Variants in LYRM4 observed in about 807,000 individuals in gnomAD.
LYRM4 encodes LYR motif-containing protein 4.
LYRM4 carries 9 observed loss-of-function variants against 11.7 expected under a neutral mutation model. The ratio of observed to expected loss-of-function variants is 0.77; its 90% CI spans 0.46 to 1.34. The LOEUF is 1.34. Among genes scored for constraint, LYRM4 ranks in the 40% most tolerant of loss-of-function variants. The pLI is 0.00. For missense variants in LYRM4, 133 were observed against 112.5 expected (o/e 1.18, Z -0.82); for synonymous variants, 42 against 40.4 (o/e 1.04, Z -0.15).
chr6:5,184,730 C>T (rs1760279410), intron 2 of LYRM4, among the ~76,000 whole-genome samples: 1 of 152,204 alleles, frequency 6.6e-6, no homozygotes, highest in African/African-American at 2.4e-5. Context: ...CAAACTCTTG[C>T]TGAGCATCTA....
the LYRM4 span, among the ~76,000 whole-genome samples, chr6:5,057,702 G>A: frequency 8.3e-4 from 124 of 149,514 alleles, no homozygotes; most frequent in Non-Finnish European, 1.6e-3. Flanking sequence ...GCGACAGAGC[G>A]AGACTCCATC....
the LYRM4 span, chr6:5,084,530 T>TCCCG: frequency 6.6e-6 from 1 of 151,674 alleles, no homozygotes; most frequent in South Asian, 2.1e-4. Flanking sequence ...CGCGGGCGCG[T>TCCCG]CGGGCGGGAC....
chr6:5,193,291 T>TA lies in LYRM4; in HGVS notation c.207+23326dup, dbSNP rs1461341485. Among the ~76,000 whole-genome samples the TA allele has an allele frequency of 5.3e-5, 8 of 150,016 alleles. No individual in the cohort carries two copies. The South Asian group carries it at 6.3e-4, about 12-fold the overall frequency. ...GCACCTCTATGTACTATATGTGATTTAAAAAAAAACCAGAAAACAAAAAAA... is the reference window on the plus strand; with the variant it reads ...GCACCTCTATGTACTATATGTGATTTAAAAAAAAAACCAGAAAACAAAAAAA... On this transcript the variant is annotated intron_variant, in intron 2 of 2. Transcript: ENST00000330636.
intron 2 of LYRM4, chr6:5,136,747 G>A: frequency 1.0e-6 from 1 of 985,436 alleles, no homozygotes; most frequent in Non-Finnish European, 1.2e-6. Context: ...AGCGCCTGTA[G>A]GAAGACTGGG....
the LYRM4 span, among the ~76,000 whole-genome samples, chr6:5,064,947 G>A: frequency 4.0e-5 from 6 of 151,724 alleles, no homozygotes; most frequent in African/African-American, 1.5e-4. Context: ...CATCCTACGG[G>A]TTTTAATAAT....
chr6:5,161,193 G>A (rs1252964732), intron 2 of LYRM4, among the ~76,000 whole-genome samples: 1 of 152,094 alleles, frequency 6.6e-6, no homozygotes, highest in Non-Finnish European at 1.5e-5. Flanking sequence ...ACAATATTCT[G>A]AACTAGTGAA....
At chr6:5,141,334 G>A (rs914641741) in intron 2 of LYRM4, among the ~76,000 whole-genome samples, 1 of 152,136 alleles carries the variant, frequency 6.6e-6, no homozygotes, top group African/African-American at 2.4e-5. Flanking sequence ...GCAATCACTC[G>A]GCTTCTCTGC....
At chr6:5,171,632 T>C (rs1224319576) in intron 2 of LYRM4, among the ~76,000 whole-genome samples, 2 of 152,224 alleles carry the variant, frequency 1.3e-5, no homozygotes, top group Non-Finnish European at 2.9e-5. Context: ...GATAAGCAGT[T>C]GTTACCATTT....
At chr6:5,059,310 C>T in the LYRM4 span, among the ~76,000 whole-genome samples, 1 of 147,086 alleles carries the variant, frequency 6.8e-6, no homozygotes, top group African/African-American at 2.5e-5. Context: ...CACAGCATTC[C>T]GGCCCGTGCA....
At chr6:5,085,377 G>C in the LYRM4 span, 1 of 781,294 alleles carries the variant, frequency 1.3e-6, no homozygotes, top group Non-Finnish European at 2.0e-6. Context: ...TCGCCTCGGG[G>C]AGGGCGAGCC....
intron 1 of LYRM4, among the ~76,000 whole-genome samples, chr6:5,234,820 G>A (rs1313589462): frequency 2.0e-5 from 3 of 152,136 alleles, no homozygotes; most frequent in African/African-American, 7.2e-5. Flanking sequence ...TTACTAGATT[G>A]AGGAAGAAGG....
chr6:5,139,762 C>T (rs984551870), intron 2 of LYRM4, among the ~76,000 whole-genome samples: 1 of 152,052 alleles, frequency 6.6e-6, no homozygotes, highest in African/African-American at 2.4e-5. Context: ...ATTTTCCGTA[C>T]ATCACTTTCC....
At chr6:5,245,243 G>A (rs535697179) in intron 1 of LYRM4, among the ~76,000 whole-genome samples, 1 of 145,762 alleles carries the variant, frequency 6.9e-6, no homozygotes, top group South Asian at 2.2e-4. Context: ...AAAATTCTAT[G>A]GGAATCTTTC....
chr6:5,118,094 A>ATATATATATATATATATT, intron 2 of LYRM4, among the ~76,000 whole-genome samples: 4 of 86,132 alleles, frequency 4.6e-5, no homozygotes, highest in East Asian at 6.2e-4. Context: ...ATATATATAT[A>ATATATATATATATATATT]TTTTTGTTTT....
rs1762756254 is a variant in LYRM4 at position 5,108,944 on chromosome 6, C to T, written c.*479G>A. On this transcript the variant is annotated 3_prime_UTR_variant, in exon 3 of 3. Coordinates refer to ENST00000330636, the MANE Select transcript of LYRM4 (RefSeq NM_020408.6). ...AGTCTCAAGTGGTGCTTGAACTTGC[C>T]TTCACCAAGGCAGTTCTCGTCTCAG... is the stretch of plus-strand genomic sequence containing the variant. 1 of 996,350 alleles carries T rather than the reference C, an allele frequency of 1.0e-6. No homozygotes were observed. The highest frequency in any genetic ancestry group is 1.0e-4 in the East Asian group (1 of 9,702). The allele number at this position is 996,350 out of a possible 1,614,324, so 61.7% of individuals were successfully genotyped here. A position where few individuals can be genotyped will look rare whatever the true frequency, so the allele number is the denominator to read the frequency against.
intron 2 of LYRM4, among the ~76,000 whole-genome samples, chr6:5,135,538 T>C (rs142886753): frequency 0.011 from 1,385 of 125,322 alleles, 277 homozygotes; most frequent in African/African-American, 0.034. Flanking sequence ...GGATCGCTCC[T>C]GGGGCTGTGG....
At chr6:5,146,698 T>A (rs1475250292) in intron 2 of LYRM4, among the ~76,000 whole-genome samples, 2 of 152,196 alleles carry the variant, frequency 1.3e-5, no homozygotes, top group African/African-American at 4.8e-5. Context: ...AATAATTGCA[T>A]ACCACAACTC....
At chr6:5,122,395 C>G (rs1763498248) in intron 2 of LYRM4, among the ~76,000 whole-genome samples, 1 of 152,182 alleles carries the variant, frequency 6.6e-6, no homozygotes, top group Non-Finnish European at 1.5e-5. Flanking sequence ...GTCAAGGGTC[C>G]TGCACCAGAA....
chr6:5,187,052 C>A lies in LYRM4; in HGVS notation c.207+29566G>T, dbSNP rs543361698. The A allele has an allele frequency of 3.1e-6, 3 of 965,938 alleles. No homozygotes were observed. In the South Asian group the frequency reaches 1.4e-4, roughly 46 times the overall value. The allele number at this position is 965,938 out of a possible 1,614,324, so 59.8% of individuals were successfully genotyped here. ...CCCAAAATAAATGACAAACGAGGAA[C>A]TGTATTTGTAACAAATCTAAGAAAC... On this transcript the variant is annotated intron_variant, in intron 2 of 2. Transcript: ENST00000330636.
Sources: allele counts gnomAD v4.1 joint callset (sites outside exome capture counted in the v4.1 genomes callset), GRCh38; gene constraint gnomAD v4.1.1; transcripts MANE v1.5; gene names NCBI Gene and HGNC (gene_info 2026-07-23, HGNC 2026-07-21).